The following LRCH3 variants were observed in gnomAD, a reference collection of about 807,000 sequenced individuals.
LRCH3 encodes DISP complex protein LRCH3.
A neutral mutation model predicts 104.5 loss-of-function variants in LRCH3; 68 were observed. The ratio of observed to expected loss-of-function variants is 0.65; its 90% CI spans 0.54 to 0.80. LRCH3 has a LOEUF of 0.80. Among genes scored for constraint, LRCH3 ranks in the 30% least tolerant of loss-of-function variants. The pLI is 0.00. For synonymous variants in LRCH3, 344 were observed against 361.3 expected, an observed-to-expected ratio of 0.95 and a Z score of 0.54; for missense variants, 951 against 953.9, an observed-to-expected ratio of 1.00 and a Z score of 0.04.
At position 197,833,365 on chromosome 3, in the gene LRCH3, G is replaced by GAAAAAAAA. The variant is rs71166710; in HGVS notation, c.1102+1067_1102+1074dup. Among the ~76,000 whole-genome samples, 57 of 33,336 alleles carry GAAAAAAAA rather than the reference G, an allele frequency of 1.7e-3. 15 individuals carry two copies. The highest frequency in any genetic ancestry group is 2.7e-3 in the Admixed American group (5 of 1,858). 21.9% of individuals were successfully genotyped at this position (33,336 alleles called of 152,430 possible). A position where few individuals can be genotyped will look rare whatever the true frequency, so the allele number is the denominator to read the frequency against. On this transcript the variant is annotated intron_variant, in intron 8 of 20. Transcript: ENST00000425562. ...TGAAACCCCATCTCTACTAAAAACC[G>GAAAAAAAA]AAAAAAAAAAAAAAAAAAAAAAAAA... is the stretch of plus-strand genomic sequence containing the variant.
At chr3:197,808,901 G>GA (rs34153607) in intron 1 of LRCH3, among the ~76,000 whole-genome samples, 122,188 of 150,760 alleles carry the variant, frequency 0.81, 50,296 homozygotes, top group East Asian at 0.99. Context: ...GACTGTCTCA[G>GA]AAAAAAAAAG....
Position 197,820,310 on chromosome 3 carries a change from A to G in LRCH3, c.535-15A>G, listed in dbSNP as rs752345996. 5.8e-6 allele frequency: 9 copies of G among 1,547,838 alleles called. No homozygotes were observed. In the Admixed American group the frequency reaches 8.4e-5, roughly 14 times the overall value. On this transcript the variant is annotated splice_polypyrimidine_tract_variant and intron_variant, in intron 3 of 20. Transcript: ENST00000425562. ...AATGTTAGGACAATCTTTATTTTGT[A>G]TCTTTTCGAAATAGGATGTGAGCTG...
Position 197,852,571 on chromosome 3 carries a change from C to G in LRCH3, c.1541C>G (p.Ser514Ter). 1 of 1,614,000 alleles carries G rather than the reference C, an allele frequency of 6.2e-7. No homozygotes were observed. Among genetic ancestry groups the G allele is most frequent in the Non-Finnish European group, 8.5e-7 (1 of 1,179,978 alleles). Residue 514 changes from serine to a stop codon, truncating the protein, a stop_gained, in exon 13 of 21, where the codon TCA becomes TGA. Coordinates refer to ENST00000425562, the MANE Select transcript of LRCH3 (RefSeq NM_001365715.1). LOFTEE classifies it high-confidence loss of function. Reference protein sequence around the residue: ...AVLDFVKQKASQSPQKQHPLL... With the variant: ...AVLDFVKQKA ...TTTGGGATTATACAGCAAAAAGCAT[C>G]ACAAAGTCCACAAAAACAGCACCCG... is the stretch of plus-strand genomic sequence containing the variant.
chr3:197,824,591 C>CGG (rs1304958181), intron 4 of LRCH3, among the ~76,000 whole-genome samples: 1 of 134,964 alleles, frequency 7.4e-6, no homozygotes, highest in African/African-American at 2.9e-5. Flanking sequence ...TTTTTTGAGA[C>CGG]AGTCTCACTC....
chr3:197,843,613 G>A (rs994024360), intron 10 of LRCH3, among the ~76,000 whole-genome samples: 8 of 152,210 alleles, frequency 5.3e-5, no homozygotes, highest in Non-Finnish European at 1.2e-4. Context: ...GAACTTAGAA[G>A]GCAGAGGCTG....
intron 20 of LRCH3, chr3:197,880,582 T>C: frequency 6.5e-7 from 1 of 1,536,674 alleles, no homozygotes; most frequent in Non-Finnish European, 8.7e-7. Context: ...GAAACGCTCC[T>C]TTCTCTTGGG....
At chr3:197,812,371 T>G (rs1307133564) in intron 1 of LRCH3, among the ~76,000 whole-genome samples, 1 of 152,204 alleles carries the variant, frequency 6.6e-6, no homozygotes, top group Non-Finnish European at 1.5e-5. Context: ...TTCCATTGTA[T>G]GCATATAACA....
intron 6 of LRCH3, among the ~76,000 whole-genome samples, chr3:197,829,940 G>C (rs982326736): frequency 6.6e-6 from 1 of 152,148 alleles, no homozygotes; most frequent in African/African-American, 2.4e-5. Context: ...ACATTTACCA[G>C]CATCCTTGGT....
intron 1 of LRCH3, among the ~76,000 whole-genome samples, chr3:197,795,819 A>G (rs1731148669): frequency 6.7e-6 from 1 of 148,376 alleles, no homozygotes; most frequent in Non-Finnish European, 1.5e-5. Context: ...CAGCCTCCTG[A>G]GTAGCTGGGA....
At chr3:197,857,928 A>G (rs1740473190) in intron 14 of LRCH3, among the ~76,000 whole-genome samples, 1 of 152,228 alleles carries the variant, frequency 6.6e-6, no homozygotes, top group Admixed American at 6.5e-5. Context: ...TTGACCATAT[A>G]CATACCTTTT....
At position 197,868,071 on chromosome 3, in the gene LRCH3, C is replaced by G. The variant is rs190306855; in HGVS notation, c.1873+1852C>G. ...TTACCTTCAATGTTACCAACAGATG[C>G]ATTCACAGTAAGATTTAAAAGTCAA... is the stretch of plus-strand genomic sequence containing the variant. On this transcript the variant is annotated intron_variant, in intron 17 of 20. Coordinates refer to ENST00000425562, the MANE Select transcript of LRCH3 (RefSeq NM_001365715.1). Among the ~76,000 whole-genome samples the G allele has an allele frequency of 2.0e-5, 3 of 152,210 alleles. No homozygotes were observed. The East Asian group carries it at 5.8e-4, about 29-fold the overall frequency.
rs866334766 is a variant in LRCH3 at position 197,887,584 on chromosome 3, G to T, written c.*3918G>T. ...AGCCCTTCCCATCACTGACAGTGTT[G>T]GGGGCTGAGAGCCCCCCTAGCAGAG... is the stretch of plus-strand genomic sequence containing the variant. On this transcript the variant is annotated 3_prime_UTR_variant, in exon 21 of 21. Transcript: ENST00000425562. The T allele has an allele frequency of 1.0e-3, 115 of 111,988 alleles. 4 individuals are homozygous for T. The highest frequency in any genetic ancestry group is 3.3e-3 in the Admixed American group (35 of 10,620). 6.9% of individuals were successfully genotyped at this position (111,988 alleles called of 1,614,324 possible). A position where few individuals can be genotyped will look rare whatever the true frequency, so the allele number is the denominator to read the frequency against.
At chr3:197,839,680 G>A (rs1246756057) in intron 10 of LRCH3, among the ~76,000 whole-genome samples, 2 of 152,146 alleles carry the variant, frequency 1.3e-5, no homozygotes, top group African/African-American at 4.8e-5. Context: ...TGCACAAAAA[G>A]GGCTAAAAGA....
chr3:197,822,832 C>T (rs187051499), intron 4 of LRCH3: 10 of 144,214 alleles, frequency 6.9e-5, no homozygotes, highest in Admixed American at 1.4e-4. Context: ...TTTCTTGAGA[C>T]GGAGTCTCAC....
rs769355775 is a variant in LRCH3 at position 197,829,524 on chromosome 3, A to G, written c.778-40A>G. The G allele has an allele frequency of 6.1e-6, 8 of 1,316,126 alleles. 1 individual carries two copies. The South Asian group carries it at 9.0e-5, about 15-fold the overall frequency. The allele number at this position is 1,316,126 out of a possible 1,614,324, so 81.5% of individuals were successfully genotyped here. ...TATGATAAAAAGGAGCATACTTCAG[A>G]TGAGTAATAATTTGGCTACATCTGT... On this transcript the variant is annotated intron_variant, in intron 5 of 20. Coordinates refer to ENST00000425562, the MANE Select transcript of LRCH3 (RefSeq NM_001365715.1).
Position 197,854,397 on chromosome 3 carries a change from C to T in LRCH3, c.1596C>T (p.Pro532=), listed in dbSNP as rs138258104. ...PLLDGVDGEC[P]FPSRRSQHTD... is the part of the protein sequence containing the mutation. Reference sequence around the variant, plus strand: ...ATTTTTCTCCATCTCTCCAGTGCCCCTTCCCATCCAGAAGGTCTCAGCACA... The same window carrying T: ...ATTTTTCTCCATCTCTCCAGTGCCCTTTCCCATCCAGAAGGTCTCAGCACA... The change falls in exon 14 of 21, where the codon CCC becomes CCT. Residue 532 remains proline, a synonymous_variant. Transcript: ENST00000425562. This position sits in a 1 kb window ranked among gnomAD's most constrained non-coding sequence, Gnocchi z 4.5. 2.8e-4 allele frequency: 451 copies of T among 1,613,940 alleles called. No individual in the cohort carries two copies. The highest frequency in any genetic ancestry group is 3.7e-4 in the Non-Finnish European group (442 of 1,179,928).
intron 1 of LRCH3, among the ~76,000 whole-genome samples, chr3:197,797,200 A>G (rs960444414): frequency 4.6e-5 from 7 of 151,876 alleles, no homozygotes; most frequent in African/African-American, 1.7e-4. Flanking sequence ...GTGGTGGTGC[A>G]TGGCTGTAAT....
chr3:197,858,850 A>G lies in LRCH3; in HGVS notation c.1661A>G (p.Asn554Ser), dbSNP rs1740568679. Residue 554 changes from asparagine (N) to serine (S), a missense_variant, in exon 15 of 21, where the codon AAT (asparagine) becomes AGT (serine). Coordinates refer to ENST00000425562, the MANE Select transcript of LRCH3 (RefSeq NM_001365715.1). ...SALCMSLSGLNQVGCAATLPH... is the reference protein window; with the variant it reads ...SALCMSLSGLSQVGCAATLPH... ...GAAATGTAGTCGCTGTCAGGGTTGA[A>G]TCAAGTGGGCTGTGCTGCTACCCTG... The G allele has an allele frequency of 6.2e-7, 1 of 1,613,782 alleles. No homozygotes were observed. Among genetic ancestry groups the G allele is most frequent in the Non-Finnish European group, 8.5e-7 (1 of 1,179,830 alleles).
At chr3:197,879,474 G>A (rs35019169) in intron 20 of LRCH3, among the ~76,000 whole-genome samples, 1,833 of 151,096 alleles carry the variant, frequency 0.012, 25 homozygotes, top group Non-Finnish European at 0.016. Flanking sequence ...GTGAAACCCC[G>A]TCTCTACTAA....
Sources: allele counts gnomAD v4.1 joint callset (sites outside exome capture counted in the v4.1 genomes callset), GRCh38; gene constraint gnomAD v4.1.1; non-coding constraint Gnocchi (gnomAD v3.1); transcripts MANE v1.5; gene names NCBI Gene and HGNC (gene_info 2026-07-23, HGNC 2026-07-21).